Variants in LINGO2 observed in about 807,000 individuals in gnomAD.
The protein encoded by LINGO2 is leucine-rich repeat and immunoglobulin-like domain-containing nogo receptor-interacting protein 2.
Under a neutral mutation model 30.6 loss-of-function variants are expected in LINGO2, and 14 were observed. The ratio of observed to expected loss-of-function variants is 0.46; its 90% CI spans 0.30 to 0.72. The LOEUF (loss-of-function observed/expected upper bound fraction) is 0.72, where lower values mean the gene tolerates loss of function less well. Among genes scored for constraint, LINGO2 ranks in the 30% least tolerant of loss-of-function variants. The pLI is 0.07. For synonymous variants in LINGO2, 317 were observed against 288.5 expected (o/e 1.10, Z -1.00); for missense variants, 729 against 751.7 (o/e 0.97, Z 0.35).
the LINGO2 span, among the ~76,000 whole-genome samples, chr9:29,026,733 T>C: frequency 6.6e-6 from 1 of 152,132 alleles, no homozygotes; most frequent in Non-Finnish European, 1.5e-5. Flanking sequence ...TATGGAATAG[T>C]TTTGTAATCA....
chr9:28,497,216 G>A (rs903168646), intron 1 of LINGO2, among the ~76,000 whole-genome samples: 4 of 152,134 alleles, frequency 2.6e-5, no homozygotes, highest in African/African-American at 4.8e-5. Flanking sequence ...GCCTTGCTAG[G>A]TTGGGGAAGT....
chr9:27,998,462 A>T (rs1821778655), intron 5 of LINGO2, among the ~76,000 whole-genome samples: 1 of 152,168 alleles, frequency 6.6e-6, no homozygotes, highest in African/African-American at 2.4e-5. Flanking sequence ...TTCCAGTCTC[A>T]GCCACCATCT....
chr9:28,657,383 T>C (rs1828395577), intron 1 of LINGO2, among the ~76,000 whole-genome samples: 1 of 152,056 alleles, frequency 6.6e-6, no homozygotes, highest in African/African-American at 2.4e-5. Flanking sequence ...CTCCGGGCTT[T>C]TTTATTTTTT....
the LINGO2 span, among the ~76,000 whole-genome samples, chr9:28,857,734 G>A: frequency 6.6e-6 from 1 of 151,798 alleles, no homozygotes; most frequent in Non-Finnish European, 1.5e-5. Flanking sequence ...TGTAAAATAT[G>A]TATAAAATTC....
chr9:28,670,350 G>T (rs2136042084), upstream of LINGO2: 1 of 152,126 alleles, frequency 6.6e-6, no homozygotes, highest in South Asian at 2.1e-4. Flanking sequence ...ATGGTGATTA[G>T]CTATGAAATT....
intron 4 of LINGO2, among the ~76,000 whole-genome samples, chr9:28,021,638 T>A: frequency 6.6e-6 from 1 of 152,120 alleles, no homozygotes; most frequent in East Asian, 1.9e-4. Flanking sequence ...TCCTTGGAAT[T>A]TTATCAGTTT....
chr9:28,980,679 C>A, the LINGO2 span, among the ~76,000 whole-genome samples: 10 of 152,108 alleles, frequency 6.6e-5, no homozygotes, highest in African/African-American at 2.4e-4. Context: ...ACTATTTGCT[C>A]AAAGGTCGCC....
intron 1 of LINGO2, among the ~76,000 whole-genome samples, chr9:28,589,050 C>A (rs1000433716): frequency 6.6e-6 from 1 of 152,064 alleles, no homozygotes; most frequent in Non-Finnish European, 1.5e-5. Flanking sequence ...AGACAAAAAC[C>A]ACATGATTAT....
chr9:28,084,184 T>G (rs776973321), intron 4 of LINGO2, among the ~76,000 whole-genome samples: 6 of 152,296 alleles, frequency 3.9e-5, no homozygotes, highest in African/African-American at 1.4e-4. Context: ...GAATTTGTTA[T>G]AGTCTAGTTT....
Position 28,543,131 on chromosome 9 carries a change from G to T in LINGO2, c.-364-67106C>A, listed in dbSNP as rs535033621. 2.6e-3 allele frequency among the ~76,000 whole-genome samples: 396 copies of T among 152,180 alleles called. 5 individuals are homozygous for T. The highest frequency in any genetic ancestry group is 8.9e-3 in the African/African-American group (370 of 41,558). ...TTTAGTACTTCAGGAAATAGCAATTGCATATAAAGACAGTAGGGAATATGA... is the reference window on the plus strand; with the variant it reads ...TTTAGTACTTCAGGAAATAGCAATTTCATATAAAGACAGTAGGGAATATGA... On this transcript the variant is annotated intron_variant, in intron 1 of 5. Coordinates refer to ENST00000379992, the Ensembl canonical transcript of LINGO2.
intron 4 of LINGO2, among the ~76,000 whole-genome samples, chr9:28,173,647 C>G (rs537029562): frequency 6.6e-6 from 1 of 152,324 alleles, no homozygotes; most frequent in South Asian, 2.1e-4. Context: ...CATGAGCCAG[C>G]ATTACTAGTG....
intron 3 of LINGO2, among the ~76,000 whole-genome samples, chr9:28,355,394 T>A (rs1328438777): frequency 7.3e-6 from 1 of 136,078 alleles, no homozygotes; most frequent in Non-Finnish European, 1.7e-5. Flanking sequence ...TGTGTGTGTG[T>A]GTGTGTGTGT....
chr9:28,381,068 T>C (rs1285922925), intron 2 of LINGO2, among the ~76,000 whole-genome samples: 1 of 151,920 alleles, frequency 6.6e-6, no homozygotes, highest in Non-Finnish European at 1.5e-5. Context: ...CCACCATTGG[T>C]TGGTAAAAAG....
chr9:28,992,963 G>C, the LINGO2 span, among the ~76,000 whole-genome samples: 2,944 of 151,108 alleles, frequency 0.019, 114 homozygotes, highest in African/African-American at 0.068. Context: ...AACTAGAAAA[G>C]CAAGAGCAAA....
intron 1 of LINGO2, among the ~76,000 whole-genome samples, chr9:28,568,326 G>A (rs973593331): frequency 2.0e-5 from 3 of 152,024 alleles, no homozygotes; most frequent in African/African-American, 7.2e-5. Flanking sequence ...GTCTACTTGT[G>A]GGTAGAGGGT....
intron 4 of LINGO2, among the ~76,000 whole-genome samples, chr9:28,081,349 A>T (rs1277668186): frequency 6.6e-6 from 1 of 152,106 alleles, no homozygotes; most frequent in Non-Finnish European, 1.5e-5. Flanking sequence ...AATAGACAAA[A>T]TTATTTGTAA....
chr9:28,463,866 G>A (rs1218534064), intron 2 of LINGO2, among the ~76,000 whole-genome samples: 4 of 152,054 alleles, frequency 2.6e-5, no homozygotes, highest in Non-Finnish European at 1.5e-5. Context: ...TACATTTAAA[G>A]CACCTTGTAT....
At chr9:28,081,566 T>C (rs1178509474) in intron 4 of LINGO2, among the ~76,000 whole-genome samples, 1 of 152,216 alleles carries the variant, frequency 6.6e-6, no homozygotes, top group Admixed American at 6.5e-5. Flanking sequence ...TACATAAACC[T>C]AGAAAGGTTT....
intron 1 of LINGO2, among the ~76,000 whole-genome samples, chr9:28,481,318 C>T (rs1825954754): frequency 6.6e-6 from 1 of 152,068 alleles, no homozygotes; most frequent in African/African-American, 2.4e-5. Flanking sequence ...GTTATGGCTA[C>T]TCTAAGCCTT....
Sources: allele counts gnomAD v4.1 joint callset (sites outside exome capture counted in the v4.1 genomes callset), GRCh38; gene constraint gnomAD v4.1.1; transcripts MANE v1.5; gene names NCBI Gene and HGNC (gene_info 2026-07-23, HGNC 2026-07-21).